The following DMD variants were observed in gnomAD, a reference collection of about 807,000 sequenced individuals.
DMD encodes the protein dystrophin.
A neutral mutation model predicts 330.1 loss-of-function variants in DMD; 63 were observed. That is an observed-to-expected ratio of 0.19 (90% CI 0.16 to 0.24). The LOEUF (loss-of-function observed/expected upper bound fraction) is 0.24, where lower values mean the gene tolerates loss of function less well. DMD is among the 10% of genes least tolerant of loss of function. The pLI is 1.00. For missense variants in DMD, 3,344 were observed against 2,684.1 expected, an observed-to-expected ratio of 1.25 and a Z score of -5.43; for synonymous variants, 1,223 against 959.8, an observed-to-expected ratio of 1.27 and a Z score of -5.07.
intron 9 of DMD, among the ~76,000 whole-genome samples, chrX:32,654,772 A>T (rs1206347896): frequency 9.0e-6 from 1 of 111,092 alleles, no homozygotes; most frequent in African/African-American, 3.3e-5. Context: ...CTGTGAATCC[A>T]TCTGGTCCTG....
rs756517584 is a variant in DMD at position 31,805,518 on chromosome X, A to T, written c.7309+14457T>A. ...ACTTATAGTCATGAGAATTTAGAAA[A>T]TCTAAGACCTAGTTATCCCCTTTCT... On this transcript the variant is annotated intron_variant, in intron 50 of 78. Coordinates refer to ENST00000357033, the MANE Select transcript of DMD (RefSeq NM_004006.3). Among the ~76,000 whole-genome samples, 4 of 112,194 alleles carry T rather than the reference A, an allele frequency of 3.6e-5. No individual in the cohort carries two copies. In the East Asian group the frequency reaches 1.1e-3, roughly 31 times the overall value.
chrX:32,735,820 A>G (rs1214263191), intron 7 of DMD, among the ~76,000 whole-genome samples: 2 of 112,101 alleles, frequency 1.8e-5, no homozygotes, highest in East Asian at 5.6e-4. Context: ...ACCCTGGAAG[A>G]AAACCTAGGC....
At chrX:32,381,689 T>G (rs1011207274) in intron 33 of DMD, among the ~76,000 whole-genome samples, 1 of 111,733 alleles carries the variant, frequency 8.9e-6, no homozygotes, top group African/African-American at 3.2e-5. Flanking sequence ...TTGCAAATCG[T>G]TAATTACAAG....
chrX:33,012,207 A>T (rs917771631), intron 2 of DMD, among the ~76,000 whole-genome samples: 1 of 111,713 alleles, frequency 9.0e-6, no homozygotes, highest in Non-Finnish European at 1.9e-5. Context: ...GGTACTTTGC[A>T]AAGATTGTTT....
intron 15 of DMD, among the ~76,000 whole-genome samples, chrX:32,568,993 C>A (rs2052080585): frequency 9.0e-6 from 1 of 111,434 alleles, no homozygotes; most frequent in Non-Finnish European, 1.9e-5. Context: ...TGCCAGAGAC[C>A]CATAGAGCTC....
intron 13 of DMD, among the ~76,000 whole-genome samples, chrX:32,575,592 T>C (rs1287656257): frequency 8.9e-6 from 1 of 112,479 alleles, no homozygotes; most frequent in Non-Finnish European, 1.9e-5. Context: ...AGGTTTTTTC[T>C]AAAACATACT....
At chrX:31,272,891 CA>C (rs1330353085) in intron 62 of DMD, among the ~76,000 whole-genome samples, 1 of 112,125 alleles carries the variant, frequency 8.9e-6, no homozygotes, top group Non-Finnish European at 1.9e-5. Context: ...CTAGAAATTA[CA>C]GTTTTTCTTT....
At chrX:31,783,711 TAGAG>T (rs1289449234) in intron 50 of DMD, among the ~76,000 whole-genome samples, 2 of 111,200 alleles carry the variant, frequency 1.8e-5, no homozygotes, top group Non-Finnish European at 3.8e-5. Context: ...TATATATATT[TAGAG>T]AGAGACAGAG....
In DMD at chrX:32,944,366, G is replaced by A. The variant is rs1022679; in HGVS notation, c.93+75773C>T. ...CTCATTGTAGAAATATTCACCTATCGTTCTTCCTGTTCTTTGGGCTTCTTA... is the reference window on the plus strand; with the variant it reads ...CTCATTGTAGAAATATTCACCTATCATTCTTCCTGTTCTTTGGGCTTCTTA... On this transcript the variant is annotated intron_variant, in intron 2 of 78. Transcript: ENST00000357033. Among the ~76,000 whole-genome samples, 1,146 of 111,051 alleles carry A rather than the reference G, an allele frequency of 0.01. 48 individuals carry two copies. The East Asian group carries it at 0.17, about 16-fold the overall frequency.
intron 4 of DMD, among the ~76,000 whole-genome samples, chrX:32,836,829 G>T (rs961189222): frequency 1.8e-5 from 2 of 112,078 alleles, no homozygotes; most frequent in Non-Finnish European, 3.8e-5. Flanking sequence ...TGTATTTAAT[G>T]ACATTTTCAC....
chrX:31,277,340 T>A (rs1335688597), intron 62 of DMD, among the ~76,000 whole-genome samples: 1 of 112,049 alleles, frequency 8.9e-6, no homozygotes, highest in Non-Finnish European at 1.9e-5. Flanking sequence ...TCTACATGCC[T>A]AATATATTTC....
rs188514870 is a variant in DMD, at chrX:32,130,211, A to C, written c.6438+86705T>G. On this transcript the variant is annotated intron_variant, in intron 44 of 78. Coordinates refer to ENST00000357033, the MANE Select transcript of DMD (RefSeq NM_004006.3). ...CACTCCACACTGGTGCAAGTGGTGC[A>C]GAAATAAGAGCAGATTATGGCTTTT... Among the ~76,000 whole-genome samples the C allele has an allele frequency of 3.8e-3, 429 of 111,431 alleles. 3 individuals are homozygous for C. The highest frequency in any genetic ancestry group is 4.2e-3 in the Non-Finnish European group (222 of 53,081).
At chrX:31,524,412 T>C (rs923102325) in intron 55 of DMD, among the ~76,000 whole-genome samples, 2 of 111,397 alleles carry the variant, frequency 1.8e-5, no homozygotes, top group African/African-American at 6.5e-5. Flanking sequence ...TCCATAATGA[T>C]AACATCTCTT....
intron 50 of DMD, among the ~76,000 whole-genome samples, chrX:31,814,482 CAAAAAAAAAAAA>C (rs151208391): frequency 5.2e-4 from 15 of 28,989 alleles, no homozygotes; most frequent in East Asian, 2.8e-3. Context: ...GACTCCGTCT[CAAAAAAAAAAAA>C]AAAAAAAAAA....
chrX:32,602,690 G>T (rs2056323977), intron 12 of DMD, among the ~76,000 whole-genome samples: 1 of 111,265 alleles, frequency 9.0e-6, no homozygotes, highest in South Asian at 3.7e-4. Context: ...TTAATGTGTA[G>T]CTACCACTAC....
At chrX:31,999,038 A>G (rs1476855609) in intron 44 of DMD, among the ~76,000 whole-genome samples, 1 of 111,357 alleles carries the variant, frequency 9.0e-6, no homozygotes, top group African/African-American at 3.3e-5. Flanking sequence ...AGCAGATTTG[A>G]CTCTGATGAT....
chrX:31,138,431 C>T (rs1265386918), intron 76 of DMD, among the ~76,000 whole-genome samples: 2 of 111,102 alleles, frequency 1.8e-5, no homozygotes, highest in Non-Finnish European at 3.8e-5. Context: ...GTAGCTACAA[C>T]ATAATAGGTG....
At chrX:33,061,983 G>A (rs902472036) in intron 1 of DMD, among the ~76,000 whole-genome samples, 2 of 111,650 alleles carry the variant, frequency 1.8e-5, no homozygotes, top group Non-Finnish European at 1.9e-5. Flanking sequence ...AAAATTATTC[G>A]CTACACTTGA....
chrX:32,603,349 A>T (rs957954775), intron 12 of DMD, among the ~76,000 whole-genome samples: 1 of 111,578 alleles, frequency 9.0e-6, no homozygotes. Context: ...CACCTCTGGG[A>T]TACAGCAAAA....
Sources: gnomAD v4.1 joint callset for allele counts (sites outside exome capture counted in the v4.1 genomes callset) on GRCh38, gnomAD v4.1.1 for gene constraint, MANE v1.5 for transcripts, NCBI Gene and HGNC (gene_info 2026-07-23, HGNC 2026-07-21) for gene names.